ADAMTS19: variants seen among roughly 807,000 people sequenced by gnomAD.
The protein encoded by ADAMTS19 is ADAM metallopeptidase with thrombospondin type 1 motif 19.
A neutral mutation model predicts 153.3 loss-of-function variants in ADAMTS19; 93 were observed. The ratio of observed to expected loss-of-function variants is 0.61; its 90% confidence interval spans 0.51 to 0.72. ADAMTS19 has a LOEUF of 0.72. ADAMTS19 is among the 30% of genes least tolerant of loss of function. The pLI, the probability that ADAMTS19 is intolerant of heterozygous loss-of-function variation, is 0.00. For synonymous variants in ADAMTS19, 600 were observed against 556.6 expected (o/e 1.08, Z -1.10); for missense variants, 1,482 against 1,552.1 (o/e 0.95, Z 0.76).
chr5:129,582,560 TTTTA>T (rs746102800), intron 7 of ADAMTS19, among the ~76,000 whole-genome samples: 2 of 151,894 alleles, frequency 1.3e-5, no homozygotes, highest in Non-Finnish European at 2.9e-5. Context: ...AGTCTGTGTC[TTTTA>T]TTTATTTTTA....
chr5:129,525,391 G>T (rs1751972628), intron 3 of ADAMTS19, among the ~76,000 whole-genome samples: 1 of 151,952 alleles, frequency 6.6e-6, no homozygotes, highest in Non-Finnish European at 1.5e-5. Context: ...ATTTGTATTT[G>T]CCTGAAGACC....
chr5:129,503,577 G>A lies in ADAMTS19; in HGVS notation c.748-5500G>A, dbSNP rs116604587. Among the ~76,000 whole-genome samples, 1,470 of 152,180 alleles carry A rather than the reference G, an allele frequency of 9.7e-3. 16 individuals carry two copies. Among genetic ancestry groups the A allele is most frequent in the Non-Finnish European group, 0.013 (883 of 67,982 alleles). ...AGCCAGGCTGGGTGCCATGGCTCAC[G>A]CCTGTGGTCCCAGTACTTTGGGAGG... On this transcript the variant is annotated intron_variant, in intron 2 of 22. Coordinates refer to ENST00000274487, the MANE Select transcript of ADAMTS19 (RefSeq NM_133638.6).
chr5:129,596,098 A>G (rs1309945049), intron 7 of ADAMTS19, among the ~76,000 whole-genome samples: 2 of 152,040 alleles, frequency 1.3e-5, no homozygotes, highest in Admixed American at 6.6e-5. Flanking sequence ...GAATTTCACA[A>G]TTGTATTAAT....
At position 129,528,547 on chromosome 5, in the gene ADAMTS19, G is replaced by GA. The variant is rs1187430162; in HGVS notation, c.1204dup (p.Met402AsnfsTer7). Reference sequence around the variant, plus strand: ...AGAACTATATATTGGGCATCATGGAGAAAAAATGCTAGAGAGTTTTTGTAA... The same window carrying GA: ...AGAACTATATATTGGGCATCATGGAGAAAAAAATGCTAGAGAGTTTTTGTAA... On this transcript the variant is annotated frameshift_variant, in exon 6 of 23. Transcript: ENST00000274487. LOFTEE classifies it high-confidence loss of function. The GA allele has an allele frequency of 3.1e-6, 5 of 1,601,990 alleles. No homozygotes were observed. Among genetic ancestry groups the GA allele is most frequent in the Non-Finnish European group, 4.3e-6 (5 of 1,175,010 alleles).
intron 7 of ADAMTS19, among the ~76,000 whole-genome samples, chr5:129,592,551 A>G (rs1035282922): frequency 6.6e-6 from 1 of 152,152 alleles, no homozygotes; most frequent in Non-Finnish European, 1.5e-5. Context: ...AATCATTTAC[A>G]TTAGTCGTGG....
chr5:129,695,826 A>T, intron 19 of ADAMTS19, among the ~76,000 whole-genome samples: 1 of 152,154 alleles, frequency 6.6e-6, no homozygotes, highest in East Asian at 1.9e-4. Flanking sequence ...AAAGAGTTGT[A>T]AGTTCTTAGG....
intron 2 of ADAMTS19, among the ~76,000 whole-genome samples, chr5:129,497,135 C>T (rs151318850): frequency 4.8e-4 from 73 of 152,090 alleles, no homozygotes; most frequent in Middle Eastern, 3.4e-3. Context: ...GAGCTTCCTC[C>T]GAGTGAACTA....
At chr5:129,704,909 A>T (rs187265921) in intron 21 of ADAMTS19, among the ~76,000 whole-genome samples, 40 of 152,292 alleles carry the variant, frequency 2.6e-4, no homozygotes, top group African/African-American at 8.9e-4. Context: ...TTTATATGGA[A>T]AATGAACAGT....
chr5:129,698,259 A>G (rs1038827124), intron 19 of ADAMTS19, among the ~76,000 whole-genome samples: 4 of 152,370 alleles, frequency 2.6e-5, no homozygotes, highest in Admixed American at 6.5e-5. Context: ...AATATTGGAA[A>G]GAAAGAAATG....
intron 6 of ADAMTS19, among the ~76,000 whole-genome samples, chr5:129,529,626 T>C (rs1035992221): frequency 1.3e-5 from 2 of 152,154 alleles, no homozygotes; most frequent in Non-Finnish European, 2.9e-5. Flanking sequence ...AACATCGCAG[T>C]CAACCCAGCT....
intron 14 of ADAMTS19, among the ~76,000 whole-genome samples, chr5:129,654,807 A>C (rs1753473272): frequency 6.6e-6 from 1 of 152,202 alleles, no homozygotes; most frequent in Non-Finnish European, 1.5e-5. Context: ...GCCATGAGTC[A>C]AAAATCAATA....
intron 6 of ADAMTS19, among the ~76,000 whole-genome samples, chr5:129,532,471 G>C (rs543084899): frequency 2.6e-4 from 40 of 152,192 alleles, no homozygotes; most frequent in Admixed American, 2.6e-3. Context: ...TGAGGATATG[G>C]AACACTCCTC....
intron 2 of ADAMTS19, among the ~76,000 whole-genome samples, chr5:129,502,030 G>T (rs1751122656): frequency 6.6e-6 from 1 of 151,972 alleles, no homozygotes; most frequent in Non-Finnish European, 1.5e-5. Context: ...ATGAGTGAGG[G>T]GGTTGGGGAA....
chr5:129,495,743 T>C (rs190015025), intron 2 of ADAMTS19, among the ~76,000 whole-genome samples: 129 of 152,256 alleles, frequency 8.5e-4, no homozygotes, highest in African/African-American at 3.0e-3. Context: ...CTTCTGTTTA[T>C]AATTGTCTTT....
At chr5:129,506,239 C>G (rs539792363) in intron 2 of ADAMTS19, among the ~76,000 whole-genome samples, 3 of 152,110 alleles carry the variant, frequency 2.0e-5, no homozygotes, top group Admixed American at 6.6e-5. Flanking sequence ...ACTTTGTGTG[C>G]CATAGGATAG....
At chr5:129,639,566 C>T (rs1752704220) in intron 10 of ADAMTS19, among the ~76,000 whole-genome samples, 1 of 152,064 alleles carries the variant, frequency 6.6e-6, no homozygotes, top group African/African-American at 2.4e-5. Flanking sequence ...ATGAGAGTAC[C>T]TGCCGTTTCA....
intron 7 of ADAMTS19, among the ~76,000 whole-genome samples, chr5:129,561,041 A>C (rs1049558087): frequency 4.6e-5 from 7 of 152,152 alleles, no homozygotes; most frequent in Non-Finnish European, 1.0e-4. Context: ...AAAATAGATA[A>C]ATTCTAAAAA....
At chr5:129,630,682 A>T (rs1173781672) in intron 10 of ADAMTS19, among the ~76,000 whole-genome samples, 3 of 152,058 alleles carry the variant, frequency 2.0e-5, no homozygotes, top group African/African-American at 7.2e-5. Flanking sequence ...TTTTAATAGG[A>T]CACCAGGAGC....
chr5:129,618,012 A>C (rs1309807230), intron 8 of ADAMTS19, among the ~76,000 whole-genome samples: 1 of 152,066 alleles, frequency 6.6e-6, no homozygotes, highest in East Asian at 1.9e-4. Flanking sequence ...CATGTGATGC[A>C]GTCATCACAA....
Sources: gnomAD v4.1 joint callset for allele counts (sites outside exome capture counted in the v4.1 genomes callset) on GRCh38, gnomAD v4.1.1 for gene constraint, MANE v1.5 for transcripts, NCBI Gene and HGNC (gene_info 2026-07-23, HGNC 2026-07-21) for gene names.